THRAP3: variants seen among roughly 807,000 people sequenced by gnomAD.
The protein encoded by THRAP3 is thyroid hormone receptor associated protein 3.
Under a neutral mutation model 101.0 loss-of-function variants are expected in THRAP3, and 16 were observed. That is an observed-to-expected ratio of 0.16 (90% CI 0.11 to 0.24). The LOEUF is 0.24. Ranked by LOEUF, THRAP3 falls within the 10% of genes least tolerant of loss-of-function variation. THRAP3 has a pLI of 1.00. For synonymous variants in THRAP3, 407 were observed against 422.6 expected (o/e 0.96, Z 0.45); for missense variants, 989 against 1,202.7 (o/e 0.82, Z 2.63).
chr1:36,248,655 C>T (rs1423594768), intron 1 of THRAP3, among the ~76,000 whole-genome samples: 2 of 151,852 alleles, frequency 1.3e-5, no homozygotes, highest in Non-Finnish European at 2.9e-5. Context: ...TGGCTTCCAG[C>T]ATTTTATATT....
At chr1:36,293,706 A>G in intron 7 of THRAP3, 145 bp from the exon 8 acceptor site, 1 of 556,502 alleles carries the variant, frequency 1.8e-6, no homozygotes, top group African/African-American at 2.0e-5. Context: ...ATAAGTATAT[A>G]AGAGTAAAAG....
chr1:36,271,276 A>G (rs1645587232), intron 2 of THRAP3, among the ~76,000 whole-genome samples: 1 of 152,140 alleles, frequency 6.6e-6, no homozygotes, highest in Non-Finnish European at 1.5e-5. Context: ...TGTTTTCATA[A>G]CACAGGCAAA....
intron 1 of THRAP3, among the ~76,000 whole-genome samples, chr1:36,248,981 G>T (rs909332742): frequency 1.3e-5 from 2 of 151,250 alleles, no homozygotes; most frequent in Non-Finnish European, 2.9e-5. Flanking sequence ...GCTCACTGCA[G>T]CCTCTTTCTC....
chr1:36,249,874 G>A (rs978263609), intron 1 of THRAP3, among the ~76,000 whole-genome samples: 5 of 152,048 alleles, frequency 3.3e-5, no homozygotes, highest in Admixed American at 6.6e-5. Context: ...AAGGTGGAGC[G>A]AGTAGAGCAG....
intron 6 of THRAP3, among the ~76,000 whole-genome samples, chr1:36,292,095 C>G (rs1292667014): frequency 1.3e-5 from 2 of 151,906 alleles, no homozygotes; most frequent in African/African-American, 2.4e-5. Flanking sequence ...CAGTGGAAAT[C>G]TAGTGCCCAA....
the THRAP3 span, among the ~76,000 whole-genome samples, chr1:36,217,164 C>T: frequency 1.4e-4 from 22 of 152,102 alleles, no homozygotes; most frequent in Admixed American, 1.4e-3. Flanking sequence ...GACATACAAA[C>T]AATTAACTAC....
intron 1 of THRAP3, among the ~76,000 whole-genome samples, chr1:36,245,593 T>A (rs1292950269): frequency 1.3e-5 from 2 of 152,090 alleles, no homozygotes; most frequent in African/African-American, 4.8e-5. Flanking sequence ...CTTCCTAACT[T>A]TGTCTTGCCC....
chr1:36,288,425 CTG>C, intron 4 of THRAP3: 3 of 985,434 alleles, frequency 3.0e-6, no homozygotes, highest in Non-Finnish European at 3.6e-6. Context: ...CATGCCAGGA[CTG>C]TGAATCTCTT....
At chr1:36,271,395 G>C (rs754332118) in intron 2 of THRAP3, among the ~76,000 whole-genome samples, 3 of 151,890 alleles carry the variant, frequency 2.0e-5, no homozygotes, top group Non-Finnish European at 4.4e-5. Flanking sequence ...CGATTCTCCC[G>C]CCTCAGCTTC....
chr1:36,265,330 T>C (rs1327428932), intron 2 of THRAP3, among the ~76,000 whole-genome samples: 1 of 152,180 alleles, frequency 6.6e-6, no homozygotes, highest in Non-Finnish European at 1.5e-5. Flanking sequence ...CTAGTAATCT[T>C]TTTGACTTTA....
the THRAP3 span, among the ~76,000 whole-genome samples, chr1:36,210,036 G>GT: frequency 5.1e-4 from 78 of 152,266 alleles, no homozygotes; most frequent in Admixed American, 1.1e-3. Context: ...CCATACACTG[G>GT]TTTTTTTCTG....
intron 1 of THRAP3, among the ~76,000 whole-genome samples, chr1:36,249,393 G>A (rs1429544217): frequency 4.0e-5 from 6 of 151,484 alleles, no homozygotes; most frequent in African/African-American, 9.7e-5. Context: ...GGGTTTCACC[G>A]TGTTAGCCAG....
intron 1 of THRAP3, among the ~76,000 whole-genome samples, chr1:36,235,622 G>A (rs1645076283): frequency 6.6e-6 from 1 of 151,924 alleles, no homozygotes; most frequent in Non-Finnish European, 1.5e-5. Flanking sequence ...GATTATTGTT[G>A]GTGAAGGTTT....
At position 36,267,332 on chromosome 1, in the gene THRAP3, A is replaced by G. The variant is rs186145999; in HGVS notation, c.-32+7848A>G. ...TAGGACATGGCTGAAGTAGTAAAAA[A>G]GGAATGTTCCCCTCTATTCGTGTAT... On this transcript the variant is annotated intron_variant, in intron 2 of 11. Transcript: ENST00000354618. Among the ~76,000 whole-genome samples, 192 of 152,354 alleles carry G rather than the reference A, an allele frequency of 1.3e-3. 1 individual carries two copies. Among genetic ancestry groups the G allele is most frequent in the Admixed American group, 4.8e-3 (73 of 15,306 alleles).
intron 1 of THRAP3, among the ~76,000 whole-genome samples, chr1:36,252,946 A>ATATG (rs1553194049): frequency 5.2e-5 from 6 of 115,922 alleles, no homozygotes; most frequent in African/African-American, 1.9e-4. Flanking sequence ...ATATATATAT[A>ATATG]TATATATATA....
At chr1:36,250,806 G>A (rs1645291745) in intron 1 of THRAP3, among the ~76,000 whole-genome samples, 1 of 151,880 alleles carries the variant, frequency 6.6e-6, no homozygotes, top group Admixed American at 6.6e-5. Flanking sequence ...CCATCTATTG[G>A]CGCAATCTCA....
In THRAP3 at chr1:36,226,425, C is replaced by A. The variant is rs181591552; in HGVS notation, c.-135+1920C>A. Among the ~76,000 whole-genome samples, 56 of 152,192 alleles carry A rather than the reference C, an allele frequency of 3.7e-4. 1 individual carries two copies. The highest frequency in any genetic ancestry group is 8.8e-5 in the Non-Finnish European group (6 of 68,006). On this transcript the variant is annotated intron_variant, in intron 1 of 11. Transcript: ENST00000354618. The stretch of plus-strand genomic sequence containing the variant: ...CAGGTGTGTGTCACCACGCCTGGCT[C>A]ATTTTTGTATTTGTAGTAGAGACGG...
intron 1 of THRAP3, among the ~76,000 whole-genome samples, chr1:36,257,109 A>T (rs77093810): frequency 1.3e-5 from 2 of 152,154 alleles, no homozygotes; most frequent in East Asian, 3.9e-4. Context: ...CATTGCAGAC[A>T]TTCTTATTTT....
At chr1:36,249,498 C>T (rs1645272366) in intron 1 of THRAP3, among the ~76,000 whole-genome samples, 2 of 152,082 alleles carry the variant, frequency 1.3e-5, no homozygotes, top group Non-Finnish European at 2.9e-5. Flanking sequence ...GCCCCACAGT[C>T]CCTATTCTTA....
Sources: allele counts gnomAD v4.1 joint callset (sites outside exome capture counted in the v4.1 genomes callset), GRCh38; gene constraint gnomAD v4.1.1; transcripts MANE v1.5; gene names NCBI Gene and HGNC (gene_info 2026-07-23, HGNC 2026-07-21).